Variants in AUTS2 observed in about 807,000 individuals in gnomAD.
AUTS2 encodes activator of transcription and developmental regulator AUTS2.
Under a neutral mutation model 112.4 loss-of-function variants are expected in AUTS2, and 17 were observed. The observed-to-expected ratio is 0.15, with a 90% confidence interval of 0.10 to 0.23. The LOEUF is 0.23. Ranked by LOEUF, AUTS2 falls within the 10% of genes least tolerant of loss-of-function variation. The pLI, the probability that AUTS2 is intolerant of heterozygous loss-of-function variation, is 1.00. For synonymous variants in AUTS2, 751 were observed against 702.7 expected (o/e 1.07, Z -1.09); for missense variants, 1,510 against 1,701.6 (o/e 0.89, Z 1.98).
At chr7:70,636,589 C>T (rs555555894) in intron 5 of AUTS2, among the ~76,000 whole-genome samples, 77 of 152,166 alleles carry the variant, frequency 5.1e-4, no homozygotes, top group Middle Eastern at 3.4e-3. Context: ...TGGGAATAAT[C>T]ATACATCATC....
At chr7:69,845,311 T>C (rs1272228671) in intron 1 of AUTS2, among the ~76,000 whole-genome samples, 5 of 152,178 alleles carry the variant, frequency 3.3e-5, no homozygotes, top group Admixed American at 2.6e-4. Flanking sequence ...TGACCAGACT[T>C]GGGTCACATT....
chr7:70,573,419 T>G (rs1241013264), intron 5 of AUTS2, among the ~76,000 whole-genome samples: 1 of 152,350 alleles, frequency 6.6e-6, no homozygotes, highest in African/African-American at 2.4e-5. Flanking sequence ...AAGAAGGGGA[T>G]AATGCACTTT....
At chr7:69,617,315 C>T (rs191217858) in intron 1 of AUTS2, among the ~76,000 whole-genome samples, 40 of 152,188 alleles carry the variant, frequency 2.6e-4, no homozygotes, top group Non-Finnish European at 4.3e-4. Flanking sequence ...TGTATGCTTA[C>T]GTGATGCTTT....
At chr7:70,453,388 G>C (rs1796608919) in intron 5 of AUTS2, among the ~76,000 whole-genome samples, 1 of 152,152 alleles carries the variant, frequency 6.6e-6, no homozygotes, top group Non-Finnish European at 1.5e-5. Flanking sequence ...GCATTACCTT[G>C]GCAAGCGCTA....
At chr7:70,590,299 A>C (rs2129528334) in intron 5 of AUTS2, among the ~76,000 whole-genome samples, 1 of 152,294 alleles carries the variant, frequency 6.6e-6, no homozygotes, top group Non-Finnish European at 1.5e-5. Context: ...ATTGTTCAAG[A>C]AACTGAAAGC....
intron 2 of AUTS2, among the ~76,000 whole-genome samples, chr7:69,948,825 G>A (rs1486022423): frequency 6.8e-6 from 1 of 147,528 alleles, no homozygotes; most frequent in Non-Finnish European, 1.5e-5. Context: ...TTTATTTTGA[G>A]ACAGAGTTTC....
At chr7:70,370,249 T>C (rs530929761) in intron 4 of AUTS2, among the ~76,000 whole-genome samples, 1 of 152,182 alleles carries the variant, frequency 6.6e-6, no homozygotes, top group Non-Finnish European at 1.5e-5. Context: ...TGTGCATTCA[T>C]CACCATAATC....
At chr7:69,709,821 G>T (rs1334774870) in intron 1 of AUTS2, among the ~76,000 whole-genome samples, 2 of 152,164 alleles carry the variant, frequency 1.3e-5, no homozygotes, top group Non-Finnish European at 2.9e-5. Flanking sequence ...CTGTTTCTCA[G>T]ATAACTCTTG....
At chr7:69,994,556 A>G (rs1421874831) in intron 2 of AUTS2, among the ~76,000 whole-genome samples, 5 of 152,132 alleles carry the variant, frequency 3.3e-5, no homozygotes, top group Non-Finnish European at 7.4e-5. Flanking sequence ...GGAATAGCAT[A>G]TGTTTTGATT....
At chr7:69,977,540 A>T (rs1798110579) in intron 2 of AUTS2, among the ~76,000 whole-genome samples, 1 of 152,198 alleles carries the variant, frequency 6.6e-6, no homozygotes, top group Non-Finnish European at 1.5e-5. Context: ...ACATTTTAAC[A>T]ACAGTAGGTA....
At chr7:69,971,570 T>A (rs1235085994) in intron 2 of AUTS2, among the ~76,000 whole-genome samples, 3 of 152,118 alleles carry the variant, frequency 2.0e-5, no homozygotes, top group Admixed American at 6.5e-5. Context: ...TCACCAAAAG[T>A]CTCTCTCCTG....
intron 5 of AUTS2, among the ~76,000 whole-genome samples, chr7:70,610,539 T>G (rs967613622): frequency 3.4e-5 from 5 of 147,458 alleles, no homozygotes; most frequent in Non-Finnish European, 7.4e-5. Flanking sequence ...GGGCTCAGGC[T>G]TTCCCCCCAC....
intron 1 of AUTS2, among the ~76,000 whole-genome samples, chr7:69,656,912 A>G (rs1204040365): frequency 1.3e-5 from 2 of 152,178 alleles, no homozygotes; most frequent in Non-Finnish European, 2.9e-5. Context: ...AAAGGCTCAC[A>G]CTGGTGTTCA....
At chr7:70,475,689 C>T (rs1299128647) in intron 5 of AUTS2, among the ~76,000 whole-genome samples, 1 of 152,174 alleles carries the variant, frequency 6.6e-6, no homozygotes, top group African/African-American at 2.4e-5. Flanking sequence ...AATGAGACAT[C>T]CTGCCCTCAG....
intron 1 of AUTS2, among the ~76,000 whole-genome samples, chr7:69,660,295 G>A (rs1015888323): frequency 6.6e-6 from 1 of 152,176 alleles, no homozygotes; most frequent in African/African-American, 2.4e-5. Context: ...TTTTATAGCA[G>A]CTTTCATCAT....
chr7:70,230,655 G>T (rs1236617271), intron 4 of AUTS2, among the ~76,000 whole-genome samples: 1 of 152,210 alleles, frequency 6.6e-6, no homozygotes, highest in African/African-American at 2.4e-5. Flanking sequence ...GAGCAAGTGT[G>T]CAGCTTTGTG....
At chr7:69,971,278 G>C (rs1797838865) in intron 2 of AUTS2, among the ~76,000 whole-genome samples, 2 of 152,056 alleles carry the variant, frequency 1.3e-5, no homozygotes, top group African/African-American at 4.8e-5. Flanking sequence ...GCCATTTACT[G>C]GTAGTATATG....
At chr7:69,896,669 T>TA (rs1352579143) in intron 1 of AUTS2, among the ~76,000 whole-genome samples, 2 of 152,202 alleles carry the variant, frequency 1.3e-5, no homozygotes, top group Admixed American at 6.5e-5. Context: ...CTCCTTTATT[T>TA]ATGTATTTAT....
chr7:70,126,066 A>G (rs888526422), intron 3 of AUTS2, among the ~76,000 whole-genome samples: 1 of 152,232 alleles, frequency 6.6e-6, no homozygotes, highest in African/African-American at 2.4e-5. Context: ...GGCCAAAAGA[A>G]TAAGAATAAA....
Sources: gnomAD v4.1 joint callset for allele counts (sites outside exome capture counted in the v4.1 genomes callset) on GRCh38, gnomAD v4.1.1 for gene constraint, MANE v1.5 for transcripts, NCBI Gene and HGNC (gene_info 2026-07-23, HGNC 2026-07-21) for gene names.